The following KCNK10 variants were observed in gnomAD, a reference collection of about 807,000 sequenced individuals.
KCNK10 encodes potassium channel subfamily K member 10.
KCNK10 carries 25 observed loss-of-function variants against 47.7 expected under a neutral mutation model. The observed-to-expected ratio is 0.52, with a 90% CI of 0.38 to 0.73. The LOEUF (loss-of-function observed/expected upper bound fraction) is 0.73, where lower values mean the gene tolerates loss of function less well. Among genes scored for constraint, KCNK10 ranks in the 30% least tolerant of loss-of-function variants. The pLI, the probability that KCNK10 is intolerant of heterozygous loss-of-function variation, is 0.00. For missense variants in KCNK10, 563 were observed against 714.5 expected, an observed-to-expected ratio of 0.79 and a Z score of 2.42; for synonymous variants, 303 against 285.6, an observed-to-expected ratio of 1.06 and a Z score of -0.61.
intron 1 of KCNK10, among the ~76,000 whole-genome samples, chr14:88,289,052 A>G (rs1412601732): frequency 2.0e-5 from 3 of 152,128 alleles, no homozygotes; most frequent in Admixed American, 1.3e-4. Flanking sequence ...TCTAGAATAT[A>G]TGATTCAACC....
At chr14:88,277,818 C>T (rs532259951) in intron 1 of KCNK10, among the ~76,000 whole-genome samples, 1 of 152,226 alleles carries the variant, frequency 6.6e-6, no homozygotes, top group South Asian at 2.1e-4. Context: ...ATAGGCTGAA[C>T]CTGCCAGCTA....
At chr14:88,273,210 G>A in intron 1 of KCNK10, among the ~76,000 whole-genome samples, 1 of 152,034 alleles carries the variant, frequency 6.6e-6, no homozygotes, top group Non-Finnish European at 1.5e-5. Context: ...AAAGGGAGGG[G>A]GATGCATGAC....
chr14:88,269,605 T>G (rs1286257398), intron 1 of KCNK10, among the ~76,000 whole-genome samples: 3 of 152,072 alleles, frequency 2.0e-5, no homozygotes, highest in Non-Finnish European at 4.4e-5. Context: ...CCCAACTAAT[T>G]TTTTAATATT....
At chr14:88,225,308 A>G (rs1885947639) in intron 4 of KCNK10, among the ~76,000 whole-genome samples, 3 of 152,242 alleles carry the variant, frequency 2.0e-5, no homozygotes, top group Non-Finnish European at 4.4e-5. Context: ...TTCATTGTGC[A>G]CTGCCAATTC....
intron 3 of KCNK10, among the ~76,000 whole-genome samples, chr14:88,234,665 C>A (rs567363221): frequency 6.6e-6 from 1 of 152,174 alleles, no homozygotes. Flanking sequence ...ACCAGGAGGG[C>A]GGGGGAGCCT....
At chr14:88,269,153 G>A (rs561478196) in intron 1 of KCNK10, among the ~76,000 whole-genome samples, 3 of 152,104 alleles carry the variant, frequency 2.0e-5, no homozygotes, top group Non-Finnish European at 4.4e-5. Flanking sequence ...AAAAGAATAC[G>A]GCACATATTT....
At chr14:88,231,376 G>A (rs1271574718) in intron 3 of KCNK10, among the ~76,000 whole-genome samples, 1 of 152,168 alleles carries the variant, frequency 6.6e-6, no homozygotes, top group Admixed American at 6.5e-5. Flanking sequence ...ACCCTTAAAT[G>A]AGGCTGCCAG....
At chr14:88,309,834 T>C (rs1385935216) in intron 1 of KCNK10, among the ~76,000 whole-genome samples, 1 of 151,382 alleles carries the variant, frequency 6.6e-6, no homozygotes, top group East Asian at 2.0e-4. Flanking sequence ...CTTTATAAAG[T>C]GAGTTTAACA....
At chr14:88,305,700 A>G (rs2006046) in intron 1 of KCNK10, among the ~76,000 whole-genome samples, 140,480 of 152,226 alleles carry the variant, frequency 0.92, 65,263 homozygotes, top group Non-Finnish European at 0.98. Flanking sequence ...CTACAATTAC[A>G]ATTTGAGCAC....
intron 2 of KCNK10, among the ~76,000 whole-genome samples, chr14:88,261,339 C>T (rs1887105827): frequency 6.6e-6 from 1 of 152,170 alleles, no homozygotes; most frequent in South Asian, 2.1e-4. Context: ...TGTAATTATA[C>T]TCCTACTTAA....
intron 1 of KCNK10, among the ~76,000 whole-genome samples, chr14:88,283,552 C>T (rs1887698277): frequency 6.6e-6 from 1 of 152,198 alleles, no homozygotes; most frequent in South Asian, 2.1e-4. Flanking sequence ...CAAAAGTTTA[C>T]ATTTTAAGTG....
At chr14:88,241,341 C>T (rs1886461017) in intron 2 of KCNK10, among the ~76,000 whole-genome samples, 1 of 152,306 alleles carries the variant, frequency 6.6e-6, no homozygotes, top group Middle Eastern at 3.4e-3. Flanking sequence ...GCCTAGTTTC[C>T]TCATTTGCAA....
intron 1 of KCNK10, among the ~76,000 whole-genome samples, chr14:88,301,785 A>AGCCAGCACTCAGGGTGCTGCAG (rs565644535): frequency 6.6e-6 from 1 of 152,234 alleles, no homozygotes; most frequent in African/African-American, 2.4e-5. Flanking sequence ...AGGTCAGCAC[A>AGCCAGCACTCAGGGTGCTGCAG]GCCAGCACTC....
chr14:88,305,792 C>A (rs1278214396), intron 1 of KCNK10, among the ~76,000 whole-genome samples: 2 of 152,134 alleles, frequency 1.3e-5, no homozygotes, highest in African/African-American at 2.4e-5. Flanking sequence ...GCCAAGAAAA[C>A]CAATAAAAGG....
intron 1 of KCNK10, among the ~76,000 whole-genome samples, chr14:88,288,779 C>A (rs1887820836): frequency 6.6e-6 from 1 of 152,152 alleles, no homozygotes; most frequent in Non-Finnish European, 1.5e-5. Context: ...TCAGGGACTG[C>A]ACGTGTGTTG....
At chr14:88,292,497 C>T (rs1007050656) in intron 1 of KCNK10, among the ~76,000 whole-genome samples, 2 of 152,020 alleles carry the variant, frequency 1.3e-5, no homozygotes, top group African/African-American at 4.8e-5. Context: ...TTATAGGCAC[C>T]CGCCACAATG....
chr14:88,283,870 C>T (rs559389254), intron 1 of KCNK10, among the ~76,000 whole-genome samples: 13 of 152,130 alleles, frequency 8.5e-5, no homozygotes, highest in African/African-American at 3.1e-4. Flanking sequence ...GCTGAGATTG[C>T]ACCACCACAC....
At chr14:88,265,754 C>G (rs1450359481) in intron 1 of KCNK10, among the ~76,000 whole-genome samples, 1 of 152,096 alleles carries the variant, frequency 6.6e-6, no homozygotes, top group East Asian at 1.9e-4. Flanking sequence ...AGGTTTTTCC[C>G]CGTGCTGTTC....
chr14:88,206,044 C>T (rs549319186), intron 4 of KCNK10, among the ~76,000 whole-genome samples: 2 of 152,126 alleles, frequency 1.3e-5, no homozygotes, highest in Admixed American at 1.3e-4. Flanking sequence ...CACACATATG[C>T]ATATAATAAA....
Sources: gnomAD v4.1 joint callset for allele counts (sites outside exome capture counted in the v4.1 genomes callset) on GRCh38, gnomAD v4.1.1 for gene constraint, MANE v1.5 for transcripts, NCBI Gene and HGNC (gene_info 2026-07-23, HGNC 2026-07-21) for gene names.